Variants in PRR23E observed in about 807,000 individuals in gnomAD.
PRR23E encodes the protein PRR23 family member E.
At chr3:127,197,318 C>T in the PRR23E span, 2,802 of 1,598,566 alleles carry the variant, frequency 1.8e-3, 8 homozygotes, top group Non-Finnish European at 2.2e-3. Flanking sequence ...GCCCTCTGCC[C>T]CCTTCCCCCA....
the PRR23E span, chr3:127,196,914 G>A: frequency 5.6e-6 from 9 of 1,599,310 alleles, no homozygotes; most frequent in African/African-American, 1.3e-5. Flanking sequence ...AGCCTTCTGG[G>A]CTTACCCGTG....
chr3:127,194,962 C>G, the PRR23E span, among the ~76,000 whole-genome samples: 3 of 152,186 alleles, frequency 2.0e-5, no homozygotes, highest in African/African-American at 4.8e-5. Flanking sequence ...GCCCACGTTT[C>G]CATCTCAGAG....
At chr3:127,195,419 G>A in the PRR23E span, among the ~76,000 whole-genome samples, 2 of 152,050 alleles carry the variant, frequency 1.3e-5, no homozygotes, top group African/African-American at 4.8e-5. Context: ...CAGGCACTCC[G>A]GGGCACCTTC....
chr3:127,193,452 G>A, the PRR23E span, among the ~76,000 whole-genome samples: 1 of 152,004 alleles, frequency 6.6e-6, no homozygotes, highest in African/African-American at 2.4e-5. Context: ...AGGCCTGAAA[G>A]TGTCCGCGTC....
At chr3:127,196,630 C>G in the PRR23E span, 10 of 1,506,176 alleles carry the variant, frequency 6.6e-6, no homozygotes, top group African/African-American at 8.2e-5. Flanking sequence ...CCTCAGCTTG[C>G]AGAGGAGTGC....
chr3:127,196,246 GGGCTT>G, the PRR23E span, among the ~76,000 whole-genome samples: 1 of 152,176 alleles, frequency 6.6e-6, no homozygotes, highest in Non-Finnish European at 1.5e-5. Flanking sequence ...GTCAGCTTAG[GGGCTT>G]TGCTGAATCT....
the PRR23E span, among the ~76,000 whole-genome samples, chr3:127,196,337 T>C: frequency 6.6e-6 from 1 of 152,146 alleles, no homozygotes; most frequent in African/African-American, 2.4e-5. Context: ...GTGACTTGCA[T>C]AGAGGGAAGC....
chr3:127,194,690 G>C, the PRR23E span, among the ~76,000 whole-genome samples: 98 of 152,216 alleles, frequency 6.4e-4, no homozygotes, highest in African/African-American at 2.3e-3. Context: ...AAATTTCTGG[G>C]TGGGCCATTT....
the PRR23E span, chr3:127,196,603 C>A: frequency 6.8e-7 from 1 of 1,463,466 alleles, no homozygotes; most frequent in East Asian, 2.5e-5. Context: ...ACCAGGAGCC[C>A]CGTGAGGTGC....
the PRR23E span, chr3:127,197,297 T>C: frequency 2.5e-6 from 4 of 1,598,120 alleles, no homozygotes; most frequent in South Asian, 3.3e-5. Flanking sequence ...CCTGCTGCAG[T>C]TCAGAGCTCC....
chr3:127,194,058 CTT>C, the PRR23E span, among the ~76,000 whole-genome samples: 1 of 152,230 alleles, frequency 6.6e-6, no homozygotes, highest in South Asian at 2.1e-4. Context: ...TGTGGTTTGT[CTT>C]TTGATTTTGA....
At chr3:127,195,564 G>A in the PRR23E span, among the ~76,000 whole-genome samples, 23 of 152,294 alleles carry the variant, frequency 1.5e-4, 1 homozygote, top group African/African-American at 4.3e-4. Context: ...CTGCCAAAAG[G>A]ACTCTGGAGG....
the PRR23E span, among the ~76,000 whole-genome samples, chr3:127,194,395 A>T: frequency 2.6e-5 from 4 of 152,242 alleles, no homozygotes; most frequent in Non-Finnish European, 4.4e-5. Flanking sequence ...GTTGGGCCAT[A>T]TTCAAAGCCG....
At chr3:127,195,669 T>C in the PRR23E span, among the ~76,000 whole-genome samples, 46 of 152,142 alleles carry the variant, frequency 3.0e-4, 1 homozygote, top group African/African-American at 9.6e-4. Flanking sequence ...GTTTCTTCCA[T>C]TCCATGCTGC....
chr3:127,193,360 C>T, the PRR23E span: 1 of 152,406 alleles, frequency 6.6e-6, no homozygotes, highest in East Asian at 1.9e-4. Context: ...CTGACACCAT[C>T]CTCTCCGCAC....
At chr3:127,196,055 G>A in the PRR23E span, among the ~76,000 whole-genome samples, 2 of 152,178 alleles carry the variant, frequency 1.3e-5, no homozygotes, top group African/African-American at 2.4e-5. Flanking sequence ...AACACTCCAG[G>A]AGAAACCTGA....
chr3:127,197,926 A>C, the PRR23E span: 2 of 152,392 alleles, frequency 1.3e-5, no homozygotes, highest in African/African-American at 4.8e-5. Flanking sequence ...AGGGAACCAC[A>C]CACTCAAGCA....
At chr3:127,193,388 GGCATCTCCCCTCTCCTCC>G in the PRR23E span, 2 of 152,360 alleles carry the variant, frequency 1.3e-5, no homozygotes, top group Admixed American at 1.3e-4. Context: ...CCCAACTCCT[GGCATCTCCCCTCTCCTCC>G]TTCCCGCCCC....
the PRR23E span, chr3:127,197,384 C>T: frequency 6.4e-7 from 1 of 1,555,058 alleles, no homozygotes; most frequent in African/African-American, 1.4e-5. Context: ...GGTCACCCTG[C>T]AGGGCCCGCC....
Sources: allele counts gnomAD v4.1 joint callset (sites outside exome capture counted in the v4.1 genomes callset), GRCh38; gene constraint gnomAD v4.1.1; transcripts MANE v1.5; gene names NCBI Gene and HGNC (gene_info 2026-07-23, HGNC 2026-07-21).